The following DPP6 variants were observed in gnomAD, a reference collection of about 807,000 sequenced individuals.
DPP6 encodes dipeptidyl peptidase like 6, also known as A-type potassium channel modulatory protein DPP6.
A neutral mutation model predicts 122.6 loss-of-function variants in DPP6; 69 were observed. The ratio of observed to expected loss-of-function variants is 0.56; its 90% CI spans 0.46 to 0.69. The LOEUF (loss-of-function observed/expected upper bound fraction) is 0.69. Ranked by LOEUF, DPP6 falls within the 30% of genes least tolerant of loss-of-function variation. The pLI, the probability that DPP6 is intolerant of heterozygous loss-of-function variation, is 0.00. For synonymous variants in DPP6, 418 were observed against 433.1 expected, an observed-to-expected ratio of 0.97 and a Z score of 0.43; for missense variants, 928 against 1,116.9, an observed-to-expected ratio of 0.83 and a Z score of 2.41.
chr7:153,982,884 C>G (rs889292075), intron 1 of DPP6, among the ~76,000 whole-genome samples: 4 of 152,246 alleles, frequency 2.6e-5, no homozygotes, highest in African/African-American at 7.2e-5. Context: ...GGCTGCAGAA[C>G]AGCAAAGATT....
At chr7:154,676,181 TACAGCCTTGCAGC>T (rs1563091950) in intron 7 of DPP6, among the ~76,000 whole-genome samples, 3 of 150,882 alleles carry the variant, frequency 2.0e-5, no homozygotes, top group African/African-American at 7.3e-5. Flanking sequence ...TGTTCCGGGC[TACAGCCTTGCAGC>T]GTGCTGTCTG....
intron 8 of DPP6, among the ~76,000 whole-genome samples, chr7:154,759,222 C>G (rs117487101): frequency 8.3e-4 from 126 of 152,350 alleles, no homozygotes; most frequent in Non-Finnish European, 1.1e-3. Flanking sequence ...GAAGTGTGCA[C>G]TCCGGCTCAC....
chr7:154,110,758 A>G (rs1806516116), intron 1 of DPP6, among the ~76,000 whole-genome samples: 1 of 151,874 alleles, frequency 6.6e-6, no homozygotes, highest in Non-Finnish European at 1.5e-5. Context: ...TCTGGAGGTC[A>G]CAGAGCAGAC....
the DPP6 span, among the ~76,000 whole-genome samples, chr7:153,812,769 A>G: frequency 6.6e-6 from 1 of 152,178 alleles, no homozygotes; most frequent in Non-Finnish European, 1.5e-5. Context: ...GAAATAATAC[A>G]TTCCAGAAAT....
chr7:154,270,298 C>A (rs1803702415), intron 1 of DPP6, among the ~76,000 whole-genome samples: 1 of 152,162 alleles, frequency 6.6e-6, no homozygotes, highest in South Asian at 2.1e-4. Context: ...TATGCATAAA[C>A]AATGTCTCAC....
chr7:154,873,958 G>GCACACA (rs796215782), intron 19 of DPP6, among the ~76,000 whole-genome samples: 22,550 of 144,934 alleles, frequency 0.16, 1,853 homozygotes, highest in East Asian at 0.49. Context: ...ACACACACAC[G>GCACACA]CACCTGCATA....
chr7:154,652,796 A>G (rs1410460497), intron 6 of DPP6, among the ~76,000 whole-genome samples: 2 of 151,886 alleles, frequency 1.3e-5, no homozygotes, highest in Non-Finnish European at 1.5e-5. Context: ...TCTTGAGCTG[A>G]GTGTTTGAGC....
chr7:154,679,777 A>C (rs150006990), intron 7 of DPP6, among the ~76,000 whole-genome samples: 10 of 152,312 alleles, frequency 6.6e-5, no homozygotes, highest in East Asian at 5.8e-4. Flanking sequence ...ATGGGCACTG[A>C]GGTCTGTGAC....
At chr7:154,294,192 G>A (rs1805387906) in intron 1 of DPP6, among the ~76,000 whole-genome samples, 1 of 152,166 alleles carries the variant, frequency 6.6e-6, no homozygotes, top group Admixed American at 6.5e-5. Context: ...CAGAGAAGTG[G>A]TCAGTGATGC....
chr7:154,443,126 A>G (rs867957223), intron 1 of DPP6, among the ~76,000 whole-genome samples: 1 of 152,020 alleles, frequency 6.6e-6, no homozygotes, highest in Non-Finnish European at 1.5e-5. Context: ...ACTGAAGCCT[A>G]TGCTGTCTCA....
chr7:153,790,573 AT>A, the DPP6 span, among the ~76,000 whole-genome samples: 87 of 152,296 alleles, frequency 5.7e-4, 1 homozygote, highest in Non-Finnish European at 9.3e-4. Context: ...AGGTTAGCAA[AT>A]ATTGAATGCC....
At chr7:154,256,419 C>T (rs377729650) in intron 1 of DPP6, among the ~76,000 whole-genome samples, 5 of 152,256 alleles carry the variant, frequency 3.3e-5, no homozygotes, top group East Asian at 1.9e-4. Flanking sequence ...GGAAACTGGA[C>T]GCCGTCACGG....
chr7:153,950,291 G>A (rs761104418), intron 1 of DPP6, among the ~76,000 whole-genome samples: 6 of 152,106 alleles, frequency 3.9e-5, no homozygotes, highest in African/African-American at 9.7e-5. Context: ...CAGAGATGGC[G>A]GCATGTAGAA....
intron 1 of DPP6, among the ~76,000 whole-genome samples, chr7:154,303,150 T>C (rs78695384): frequency 0.026 from 4,002 of 152,198 alleles, 192 homozygotes; most frequent in African/African-American, 0.092. Context: ...CCCAGCTAAT[T>C]GGGGTTTTAG....
the DPP6 span, among the ~76,000 whole-genome samples, chr7:153,758,268 G>A: frequency 1.3e-5 from 2 of 152,090 alleles, no homozygotes; most frequent in African/African-American, 2.4e-5. Flanking sequence ...GTCAAGAGAT[G>A]GTGTCTTAAA....
Position 154,241,217 on chromosome 7 carries a change from G to A in DPP6, c.243+188154G>A, listed in dbSNP as rs868708067. ...TGTGTGTGTGTGTGTGTGTGTGTGT[G>A]TGTATATATATATAGAGAGAGAGAG... On this transcript the variant is annotated intron_variant, in intron 1 of 25. Coordinates refer to ENST00000377770, the MANE Select transcript of DPP6 (RefSeq NM_130797.4). This position sits in a 1 kb window ranked among gnomAD's most constrained non-coding sequence, Gnocchi z 9.0. Among the ~76,000 whole-genome samples, 16 of 143,966 alleles carry A rather than the reference G, an allele frequency of 1.1e-4. No homozygotes were observed. Among genetic ancestry groups the A allele is most frequent in the African/African-American group, 4.7e-4 (16 of 34,116 alleles). 94.4% of individuals were successfully genotyped at this position (143,966 alleles called of 152,430 possible).
intron 1 of DPP6, among the ~76,000 whole-genome samples, chr7:154,008,800 T>TCTG (rs1247794223): frequency 2.0e-5 from 3 of 150,988 alleles, no homozygotes; most frequent in Non-Finnish European, 4.5e-5. Flanking sequence ...TAGCTGGGAC[T>TCTG]ACAGGCGCCC....
intron 17 of DPP6, among the ~76,000 whole-genome samples, chr7:154,857,706 T>C (rs886871199): frequency 3.9e-5 from 6 of 152,208 alleles, no homozygotes; most frequent in Non-Finnish European, 1.5e-5. Context: ...TTGTTCGTGG[T>C]GTGGTTGGAC....
At chr7:154,809,535 A>G (rs1798914446) in intron 16 of DPP6, among the ~76,000 whole-genome samples, 1 of 152,212 alleles carries the variant, frequency 6.6e-6, no homozygotes, top group African/African-American at 2.4e-5. Context: ...TGGAGGTTTT[A>G]AGGAAATACA....
Sources: allele counts gnomAD v4.1 joint callset (sites outside exome capture counted in the v4.1 genomes callset), GRCh38; gene constraint gnomAD v4.1.1; non-coding constraint Gnocchi (gnomAD v3.1); transcripts MANE v1.5; gene names NCBI Gene and HGNC (gene_info 2026-07-23, HGNC 2026-07-21).